SLCO6A1: variants seen among roughly 807,000 people sequenced by gnomAD.
SLCO6A1 encodes solute carrier organic anion transporter family member 6A1.
In SLCO6A1, 65 loss-of-function variants were observed where a neutral mutation model predicts 72.7. That is an observed-to-expected ratio of 0.89 (90% CI 0.73 to 1.10). SLCO6A1 has a LOEUF of 1.10. SLCO6A1 is among the 50% of genes least tolerant of loss of function. SLCO6A1 has a pLI of 0.00. For synonymous variants in SLCO6A1, 314 were observed against 298.2 expected (o/e 1.05, Z -0.55); for missense variants, 874 against 872.6 (o/e 1.00, Z -0.02).
intron 6 of SLCO6A1, among the ~76,000 whole-genome samples, chr5:102,456,406 A>C (rs1464022588): frequency 6.6e-6 from 1 of 152,190 alleles, no homozygotes; most frequent in Non-Finnish European, 1.5e-5. Context: ...ACTTCAGCAA[A>C]GTCTCAGGAT....
At chr5:102,400,061 T>C (rs1747316782) in intron 9 of SLCO6A1, among the ~76,000 whole-genome samples, 1 of 151,824 alleles carries the variant, frequency 6.6e-6, no homozygotes, top group Admixed American at 6.6e-5. Context: ...AATATATAAA[T>C]TGAGGGAAAT....
chr5:102,412,414 A>G (rs1748036208), intron 9 of SLCO6A1, among the ~76,000 whole-genome samples: 1 of 152,142 alleles, frequency 6.6e-6, no homozygotes, highest in African/African-American at 2.4e-5. Flanking sequence ...ATGTAGGAAT[A>G]TCTCTTTCAC....
At chr5:102,493,964 G>A (rs1270203148) in intron 1 of SLCO6A1, among the ~76,000 whole-genome samples, 1 of 152,074 alleles carries the variant, frequency 6.6e-6, no homozygotes, top group Non-Finnish European at 1.5e-5. Context: ...ACATGGAAAA[G>A]CAAAGATCTA....
At chr5:102,427,492 T>C (rs929615994) in intron 7 of SLCO6A1, among the ~76,000 whole-genome samples, 2 of 152,012 alleles carry the variant, frequency 1.3e-5, no homozygotes, top group Non-Finnish European at 2.9e-5. Context: ...ATAAAAATAT[T>C]AGGCAATTTT....
rs542804607 is a variant in SLCO6A1, at chr5:102,389,691, C to A, written c.1880-866G>T. On this transcript the variant is annotated intron_variant, in intron 11 of 13. Transcript: ENST00000506729. ...ATTCATTTTTTCCATTTTTTACCAT[C>A]TTTTTTCAATCCATCATACATCTTT... 3.0e-4 allele frequency among the ~76,000 whole-genome samples: 45 copies of A among 151,984 alleles called. No individual in the cohort carries two copies. In the South Asian group the frequency reaches 8.5e-3, roughly 29 times the overall value.
intron 4 of SLCO6A1, among the ~76,000 whole-genome samples, chr5:102,463,061 C>G (rs1456246726): frequency 1.3e-5 from 2 of 151,966 alleles, no homozygotes; most frequent in Non-Finnish European, 2.9e-5. Flanking sequence ...ACTAGGAATT[C>G]AAACAAATCA....
chr5:102,434,189 T>C (rs916501460), intron 7 of SLCO6A1, among the ~76,000 whole-genome samples: 1 of 152,126 alleles, frequency 6.6e-6, no homozygotes, highest in African/African-American at 2.4e-5. Context: ...CAAGGATATT[T>C]ATACGATGAG....
intron 6 of SLCO6A1, among the ~76,000 whole-genome samples, chr5:102,455,358 C>T (rs1348375639): frequency 2.6e-5 from 4 of 151,858 alleles, no homozygotes; most frequent in Middle Eastern, 3.4e-3. Flanking sequence ...TGAGAAATGG[C>T]GTGATAAAAT....
chr5:102,408,335 G>A (rs1417003577), intron 9 of SLCO6A1, among the ~76,000 whole-genome samples: 1 of 147,298 alleles, frequency 6.8e-6, no homozygotes, highest in Non-Finnish European at 1.5e-5. Context: ...AGGGGCTACT[G>A]TAATTTATTA....
Position 102,463,139 on chromosome 5 carries a change from A to T in SLCO6A1, c.900-3362T>A, listed in dbSNP as rs554950559. ...CAATAGACAACTCTCAAAAGAAGAT[A>T]TACAATGCCCAATAAACATATGAAA... On this transcript the variant is annotated intron_variant, in intron 4 of 13. Transcript: ENST00000506729. Among the ~76,000 whole-genome samples the T allele has an allele frequency of 8.9e-3, 785 of 87,810 alleles. 8 individuals carry two copies. The highest frequency in any genetic ancestry group is 0.032 in the African/African-American group (757 of 23,662). The allele number at this position is 87,810 out of a possible 152,430, so 57.6% of individuals were successfully genotyped here.
intron 10 of SLCO6A1, among the ~76,000 whole-genome samples, chr5:102,398,949 G>C (rs1747249870): frequency 6.6e-6 from 1 of 151,836 alleles, no homozygotes; most frequent in Admixed American, 6.6e-5. Flanking sequence ...GTCAGCCTAT[G>C]CAGGCTTTTC....
At chr5:102,375,623 A>G in intron 12 of SLCO6A1, among the ~76,000 whole-genome samples, 1 of 152,154 alleles carries the variant, frequency 6.6e-6, no homozygotes, top group South Asian at 2.1e-4. Context: ...TAAAATAATA[A>G]TAGTTATGGT....
chr5:102,379,098 T>C (rs1216774967), intron 12 of SLCO6A1, among the ~76,000 whole-genome samples: 2 of 152,054 alleles, frequency 1.3e-5, no homozygotes, highest in East Asian at 3.9e-4. Flanking sequence ...TGTTTTTGGG[T>C]ATTTGATATC....
intron 1 of SLCO6A1, among the ~76,000 whole-genome samples, chr5:102,496,087 A>G (rs1246069339): frequency 2.6e-5 from 4 of 152,210 alleles, no homozygotes; most frequent in Non-Finnish European, 5.9e-5. Flanking sequence ...TTGTACTGAT[A>G]TTCCTGCCTG....
intron 11 of SLCO6A1, among the ~76,000 whole-genome samples, chr5:102,389,796 T>A (rs1180781299): frequency 6.6e-6 from 1 of 152,156 alleles, no homozygotes; most frequent in Non-Finnish European, 1.5e-5. Flanking sequence ...CACTTTAATA[T>A]AACTGTTAGA....
intron 1 of SLCO6A1, among the ~76,000 whole-genome samples, chr5:102,483,691 G>A (rs1752317332): frequency 6.6e-6 from 1 of 152,178 alleles, no homozygotes; most frequent in African/African-American, 2.4e-5. Context: ...TAACTCAGGT[G>A]AGGCCAATTC....
intron 1 of SLCO6A1, among the ~76,000 whole-genome samples, chr5:102,481,611 G>T (rs1252046385): frequency 6.6e-6 from 1 of 152,108 alleles, no homozygotes; most frequent in African/African-American, 2.4e-5. Context: ...AACTTGCAGA[G>T]TTTATCTTTT....
chr5:102,384,471 C>G (rs536591589), intron 12 of SLCO6A1, among the ~76,000 whole-genome samples: 3 of 151,750 alleles, frequency 2.0e-5, no homozygotes, highest in African/African-American at 4.8e-5. Flanking sequence ...AGTGGCAGTA[C>G]GCTTTTCTAA....
chr5:102,388,317 C>T (rs1431970444), intron 12 of SLCO6A1, among the ~76,000 whole-genome samples: 1 of 151,894 alleles, frequency 6.6e-6, no homozygotes, highest in African/African-American at 2.4e-5. Context: ...TACTATATAA[C>T]TAGATAATCC....
Sources: allele counts gnomAD v4.1 joint callset (sites outside exome capture counted in the v4.1 genomes callset), GRCh38; gene constraint gnomAD v4.1.1; transcripts MANE v1.5; gene names NCBI Gene and HGNC (gene_info 2026-07-23, HGNC 2026-07-21).